The following ALDH18A1 variants were observed in gnomAD, a reference collection of about 807,000 sequenced individuals.
ALDH18A1 encodes the protein delta-1-pyrroline-5-carboxylate synthase.
In ALDH18A1, 44 loss-of-function variants were observed where a neutral mutation model predicts 88.8. The observed-to-expected ratio is 0.50, with a 90% CI of 0.39 to 0.64. ALDH18A1 has a LOEUF of 0.64. ALDH18A1 is among the 30% of genes least tolerant of loss of function. The pLI is 0.00. For missense variants in ALDH18A1, 782 were observed against 1,009.5 expected (o/e 0.77, Z 3.05); for synonymous variants, 331 against 372.1 (o/e 0.89, Z 1.27).
rs369401379 is a variant in ALDH18A1, at chr10:95,632,940, A to T, written c.808+19T>A. On this transcript the variant is annotated intron_variant, in intron 7 of 17. Coordinates refer to ENST00000371224, the MANE Select transcript of ALDH18A1 (RefSeq NM_002860.4). ...TTTAAAACAAAGGGCAGATAAAGGAAAAAAGCATTACTTTGTACCTTCTAC... is the reference window on the plus strand; with the variant it reads ...TTTAAAACAAAGGGCAGATAAAGGATAAAAGCATTACTTTGTACCTTCTAC... The T allele has an allele frequency of 1.9e-6, 3 of 1,607,928 alleles. No homozygotes were observed. The African/African-American group carries it at 4.0e-5, about 21-fold the overall frequency.
intron 7 of ALDH18A1, 42 bp downstream of exon 7, chr10:95,632,917 T>G (rs926702150): frequency 4.5e-6 from 7 of 1,547,278 alleles, no homozygotes; most frequent in Admixed American, 1.7e-5. Flanking sequence ...ATGTAGCATT[T>G]AAAACAAAGG....
At chr10:95,650,773 T>A (rs2097909228) in intron 2 of ALDH18A1, among the ~76,000 whole-genome samples, 1 of 152,104 alleles carries the variant, frequency 6.6e-6, no homozygotes, top group Admixed American at 6.5e-5. Context: ...AAAAATGGAC[T>A]AAGACAGGAA....
chr10:95,631,207 C>A (rs770076424), intron 7 of ALDH18A1, among the ~76,000 whole-genome samples: 26 of 152,076 alleles, frequency 1.7e-4, no homozygotes, highest in Admixed American at 5.9e-4. Context: ...CCAAGAGTGG[C>A]CCCTCCAGGA....
intron 16 of ALDH18A1, among the ~76,000 whole-genome samples, chr10:95,610,551 C>T (rs2097832085): frequency 6.6e-6 from 1 of 152,214 alleles, no homozygotes; most frequent in African/African-American, 2.4e-5. Context: ...AAACTTCCTA[C>T]TTATGGGCTC....
chr10:95,633,257 C>A (rs1004452846), intron 6 of ALDH18A1, among the ~76,000 whole-genome samples: 3 of 152,214 alleles, frequency 2.0e-5, no homozygotes, highest in African/African-American at 7.2e-5. Context: ...ATGCAGTCTT[C>A]TAGCCACTGA....
chr10:95,616,776 G>T, intron 12 of ALDH18A1, 162 bp from the exon 13 acceptor site: 1 of 957,148 alleles, frequency 1.0e-6, no homozygotes, highest in Non-Finnish European at 1.6e-6. Context: ...TTAAGTGCCT[G>T]TTTTATCCCC....
chr10:95,626,810 C>A, intron 9 of ALDH18A1, 34 bp from the exon 10 acceptor site: 1 of 1,609,254 alleles, frequency 6.2e-7, no homozygotes, highest in South Asian at 1.1e-5. Context: ...AGGTCATGGT[C>A]ACCTTAGTTC....
chr10:95,645,701 C>T (rs2097900171), intron 2 of ALDH18A1, among the ~76,000 whole-genome samples: 1 of 151,994 alleles, frequency 6.6e-6, no homozygotes, highest in Non-Finnish European at 1.5e-5. Context: ...TTTTTTTTCA[C>T]AACAGGCTTG....
intron 2 of ALDH18A1, among the ~76,000 whole-genome samples, chr10:95,648,107 C>T (rs565263925): frequency 6.6e-6 from 1 of 152,174 alleles, no homozygotes; most frequent in Non-Finnish European, 1.5e-5. Context: ...GAAGCCTGGA[C>T]TCAGGACTAC....
chr10:95,643,478 T>C (rs112834730), intron 2 of ALDH18A1, among the ~76,000 whole-genome samples: 19 of 152,284 alleles, frequency 1.2e-4, no homozygotes, highest in African/African-American at 2.6e-4. Context: ...TGAAGACAGG[T>C]TGGCAAATTT....
At chr10:95,625,905 G>T (rs10748634) in intron 10 of ALDH18A1, among the ~76,000 whole-genome samples, 115,983 of 151,776 alleles carry the variant, frequency 0.76, 45,174 homozygotes, top group Middle Eastern at 0.86. Flanking sequence ...GTTAGTTTAT[G>T]TCCAGGTAAG....
chr10:95,625,840 G>A (rs2097859649), intron 10 of ALDH18A1, among the ~76,000 whole-genome samples: 1 of 151,842 alleles, frequency 6.6e-6, no homozygotes, highest in African/African-American at 2.4e-5. Flanking sequence ...ACTGTACAGG[G>A]GCCAGTACTT....
chr10:95,655,496 T>C (rs1392922002), intron 1 of ALDH18A1, among the ~76,000 whole-genome samples: 1 of 152,174 alleles, frequency 6.6e-6, no homozygotes, highest in African/African-American at 2.4e-5. Context: ...TGACTGACTG[T>C]TTACCTCTCT....
At chr10:95,635,367 A>G (rs1012422117) in intron 5 of ALDH18A1, among the ~76,000 whole-genome samples, 1 of 152,182 alleles carries the variant, frequency 6.6e-6, no homozygotes, top group Non-Finnish European at 1.5e-5. Flanking sequence ...CTTCACAAAC[A>G]TGGCCTGGGG....
rs1438634578 is a variant in ALDH18A1, at chr10:95,637,656, C to T, written c.304-220G>A. ...TAGCAGGTGGCAGACAAAAATCAGA[C>T]ATTTTAATTTATTTTTTAATTAAAA... is the stretch of plus-strand genomic sequence containing the variant. On this transcript the variant is annotated intron_variant, in intron 3 of 17. Transcript: ENST00000371224. Among the ~76,000 whole-genome samples the T allele has an allele frequency of 3.9e-5, 6 of 152,130 alleles. No homozygotes were observed. The South Asian group carries it at 1.2e-3, about 32-fold the overall frequency.
At chr10:95,647,390 G>A (rs2097903010) in intron 2 of ALDH18A1, among the ~76,000 whole-genome samples, 2 of 152,150 alleles carry the variant, frequency 1.3e-5, no homozygotes, top group South Asian at 4.1e-4. Flanking sequence ...GATAAAACAA[G>A]TTCATGCATG....
At chr10:95,653,994 T>A (rs779920763) in intron 1 of ALDH18A1, among the ~76,000 whole-genome samples, 2 of 152,198 alleles carry the variant, frequency 1.3e-5, no homozygotes. Context: ...ATCTTAATCC[T>A]GTGGAGGAAG....
At chr10:95,622,674 A>T (rs533470856) in intron 11 of ALDH18A1, among the ~76,000 whole-genome samples, 1 of 152,190 alleles carries the variant, frequency 6.6e-6, no homozygotes, top group South Asian at 2.1e-4. Flanking sequence ...AGTAGCTGGG[A>T]CTACAGGCGC....
At chr10:95,626,459 T>C (rs1260935678) in intron 10 of ALDH18A1, among the ~76,000 whole-genome samples, 2 of 152,220 alleles carry the variant, frequency 1.3e-5, no homozygotes, top group Non-Finnish European at 2.9e-5. Flanking sequence ...ATCATTTTTA[T>C]GATGCTCTTG....
Sources: allele counts gnomAD v4.1 joint callset (sites outside exome capture counted in the v4.1 genomes callset), GRCh38; gene constraint gnomAD v4.1.1; transcripts MANE v1.5; gene names NCBI Gene and HGNC (gene_info 2026-07-23, HGNC 2026-07-21).